Variants in EFNA5 observed in about 807,000 individuals in gnomAD.
EFNA5 encodes the protein ephrin-A5.
EFNA5 carries 5 observed loss-of-function variants against 22.9 expected under a neutral mutation model. The observed-to-expected ratio is 0.22, with a 90% CI of 0.11 to 0.46. The LOEUF is 0.46. Among genes scored for constraint, EFNA5 ranks in the 20% least tolerant of loss-of-function variants. The pLI, the probability that EFNA5 is intolerant of heterozygous loss-of-function variation, is 0.99. For missense variants in EFNA5, 237 were observed against 293.3 expected (o/e 0.81, Z 1.40); for synonymous variants, 113 against 112.2 (o/e 1.01, Z -0.04).
intron 1 of EFNA5, among the ~76,000 whole-genome samples, chr5:107,454,620 G>A (rs1212388162): frequency 6.6e-6 from 1 of 152,040 alleles, no homozygotes; most frequent in Non-Finnish European, 1.5e-5. Flanking sequence ...GCTCTTAAAG[G>A]TGAAAGTTTG....
chr5:107,388,989 G>A lies in EFNA5; in HGVS notation c.419-1218C>T, dbSNP rs185117337. On this transcript the variant is annotated intron_variant, in intron 2 of 4. Transcript: ENST00000333274. Reference sequence around the variant, plus strand: ...TACACAGTCTCCTTATGTAATTCTAGATCCAAGTAACCCTCCTGGAGGAGA... The same window carrying A: ...TACACAGTCTCCTTATGTAATTCTAAATCCAAGTAACCCTCCTGGAGGAGA... 3.9e-5 allele frequency among the ~76,000 whole-genome samples: 6 copies of A among 152,202 alleles called. No homozygotes were observed. In the East Asian group the frequency reaches 1.2e-3, roughly 29 times the overall value.
chr5:107,441,552 A>G, intron 1 of EFNA5, among the ~76,000 whole-genome samples: 1 of 152,340 alleles, frequency 6.6e-6, no homozygotes, highest in African/African-American at 2.4e-5. Context: ...CTAAGAAGTT[A>G]CAAATTATTC....
intron 1 of EFNA5, among the ~76,000 whole-genome samples, chr5:107,459,915 AG>A (rs920163508): frequency 1.1e-4 from 17 of 152,168 alleles, no homozygotes; most frequent in African/African-American, 4.1e-4. Context: ...GCTAGACAGC[AG>A]CAGCTACAGG....
chr5:107,403,776 A>G (rs1460151808), intron 2 of EFNA5, among the ~76,000 whole-genome samples: 1 of 152,184 alleles, frequency 6.6e-6, no homozygotes, highest in Non-Finnish European at 1.5e-5. Flanking sequence ...TCAAATTTTA[A>G]TCATGAGCTC....
chr5:107,591,976 A>ATATATTATATATAAT lies in EFNA5; in HGVS notation c.125+78512_125+78513insATTATATATAATATA, dbSNP rs1749362805. On this transcript the variant is annotated intron_variant, in intron 1 of 4. Transcript: ENST00000333274. ...AATATATAATATATATAATATATAT[A>ATATATTATATATAAT]ATATATAATATATAATATATATAAT... Among the ~76,000 whole-genome samples, 10 of 20,898 alleles carry ATATATTATATATAAT rather than the reference A, an allele frequency of 4.8e-4. 1 individual carries two copies. The highest frequency in any genetic ancestry group is 6.5e-4 in the Non-Finnish European group (9 of 13,792). The allele number at this position is 20,898 out of a possible 152,430, so 13.7% of individuals were successfully genotyped here. A position where few individuals can be genotyped will look rare whatever the true frequency, so the allele number is the denominator to read the frequency against.
intron 1 of EFNA5, among the ~76,000 whole-genome samples, chr5:107,616,032 A>T (rs1486331581): frequency 6.6e-6 from 1 of 152,240 alleles, no homozygotes; most frequent in African/African-American, 2.4e-5. Context: ...GCAGGGGGTT[A>T]GAGAGACAGA....
intron 1 of EFNA5, among the ~76,000 whole-genome samples, chr5:107,513,815 A>C (rs1248258940): frequency 6.6e-6 from 1 of 152,146 alleles, no homozygotes; most frequent in African/African-American, 2.4e-5. Flanking sequence ...GAGGGACAGA[A>C]ATGCTCAGTG....
At chr5:107,607,340 C>A (rs749654951) in intron 1 of EFNA5, among the ~76,000 whole-genome samples, 2 of 152,212 alleles carry the variant, frequency 1.3e-5, no homozygotes, top group African/African-American at 4.8e-5. Flanking sequence ...TAGGCTAACT[C>A]GCTGCCTGCT....
intron 1 of EFNA5, among the ~76,000 whole-genome samples, chr5:107,637,558 T>G (rs1325562609): frequency 6.6e-6 from 1 of 151,458 alleles, no homozygotes; most frequent in Non-Finnish European, 1.5e-5. Flanking sequence ...GCTTTTCAAG[T>G]ATGGTACTGA....
intron 2 of EFNA5, among the ~76,000 whole-genome samples, chr5:107,390,213 A>G (rs1012287895): frequency 2.0e-5 from 3 of 152,224 alleles, no homozygotes; most frequent in African/African-American, 7.2e-5. Context: ...ATGTAGTAGC[A>G]AAACTCCATT....
chr5:107,622,522 A>T (rs965053787), intron 1 of EFNA5, among the ~76,000 whole-genome samples: 1 of 152,196 alleles, frequency 6.6e-6, no homozygotes, highest in African/African-American at 2.4e-5. Flanking sequence ...CTAGAATGGC[A>T]TAACTAGTAC....
intron 1 of EFNA5, among the ~76,000 whole-genome samples, chr5:107,664,449 G>GA (rs1219449454): frequency 2.0e-5 from 3 of 152,086 alleles, no homozygotes; most frequent in African/African-American, 7.2e-5. Context: ...TTAATCACAA[G>GA]AAACTTTTCT....
intron 1 of EFNA5, among the ~76,000 whole-genome samples, chr5:107,654,696 G>C (rs1322589672): frequency 1.3e-5 from 2 of 152,066 alleles, no homozygotes; most frequent in Admixed American, 6.6e-5. Context: ...GTACTAAAGA[G>C]CATCTTCTGT....
chr5:107,589,884 GCT>G (rs1025301137), intron 1 of EFNA5, among the ~76,000 whole-genome samples: 1 of 152,128 alleles, frequency 6.6e-6, no homozygotes, highest in Non-Finnish European at 1.5e-5. Context: ...TTCTTCTTCT[GCT>G]TTTAGTTAAA....
intron 2 of EFNA5, among the ~76,000 whole-genome samples, chr5:107,420,440 C>T (rs1748622237): frequency 6.9e-6 from 1 of 145,252 alleles, no homozygotes; most frequent in African/African-American, 2.5e-5. Context: ...AAGTTAAGCA[C>T]ATTGCCCAAG....
rs544588369 is a variant in EFNA5, at chr5:107,662,280, C to T, written c.125+8209G>A. ...CCTTTACACTACATCTACAACCACC[C>T]AAAATCCTACCTCTAATGAACTGAA... On this transcript the variant is annotated intron_variant, in intron 1 of 4. Transcript: ENST00000333274. Among the ~76,000 whole-genome samples, 4 of 152,274 alleles carry T rather than the reference C, an allele frequency of 2.6e-5. No individual in the cohort carries two copies. The East Asian group carries it at 7.7e-4, about 29-fold the overall frequency.
At chr5:107,557,001 T>C (rs192834086) in intron 1 of EFNA5, among the ~76,000 whole-genome samples, 260 of 152,116 alleles carry the variant, frequency 1.7e-3, no homozygotes, top group African/African-American at 5.9e-3. Flanking sequence ...TGTGGCAGAC[T>C]AGTCATACCA....
chr5:107,656,797 C>T (rs1214623953), intron 1 of EFNA5, among the ~76,000 whole-genome samples: 1 of 152,042 alleles, frequency 6.6e-6, no homozygotes, highest in Non-Finnish European at 1.5e-5. Flanking sequence ...GGCTTAGATT[C>T]ACCACTATAA....
intron 1 of EFNA5, among the ~76,000 whole-genome samples, chr5:107,646,945 A>G (rs986484618): frequency 6.6e-6 from 1 of 152,128 alleles, no homozygotes; most frequent in East Asian, 1.9e-4. Context: ...ACTGAAATTG[A>G]GACTTTTGAA....
Sources: gnomAD v4.1 joint callset for allele counts (sites outside exome capture counted in the v4.1 genomes callset) on GRCh38, gnomAD v4.1.1 for gene constraint, MANE v1.5 for transcripts, NCBI Gene and HGNC (gene_info 2026-07-23, HGNC 2026-07-21) for gene names.